Variants in SLAMF9 observed in about 807,000 individuals in gnomAD.
SLAMF9 encodes SLAM family member 9.
In SLAMF9, 25 loss-of-function variants were observed where a neutral mutation model predicts 30.4. The ratio of observed to expected loss-of-function variants is 0.82; its 90% CI spans 0.60 to 1.15. SLAMF9 has a LOEUF of 1.15. Among genes scored for constraint, SLAMF9 ranks in the 50% most tolerant of loss-of-function variants. The pLI, the probability that SLAMF9 is intolerant of heterozygous loss-of-function variation, is 0.00. For missense variants in SLAMF9, 344 were observed against 346.1 expected (o/e 0.99, Z 0.05); for synonymous variants, 129 against 127.2 (o/e 1.01, Z -0.09).
the SLAMF9 span, among the ~76,000 whole-genome samples, chr1:159,981,774 G>A: frequency 2.2e-4 from 33 of 152,260 alleles, no homozygotes; most frequent in African/African-American, 7.5e-4. Context: ...TGAGCACAGA[G>A]GGTGCCAGAA....
At chr1:159,954,479 C>G (rs1373342025), upstream of SLAMF9, among the ~76,000 whole-genome samples, 1 of 152,164 alleles carries the variant, frequency 6.6e-6, no homozygotes, top group Non-Finnish European at 1.5e-5. Context: ...ACTGCATGCC[C>G]CGAACTCGTA....
chr1:159,971,676 G>C, the SLAMF9 span, among the ~76,000 whole-genome samples: 1 of 152,152 alleles, frequency 6.6e-6, no homozygotes, highest in Non-Finnish European at 1.5e-5. Context: ...ACTTGGACTC[G>C]TTCTATCACC....
At chr1:159,973,216 T>C in the SLAMF9 span, 54 of 1,268,372 alleles carry the variant, frequency 4.3e-5, no homozygotes, top group African/African-American at 7.1e-4. Context: ...CATCTCAGGG[T>C]AACCAGGCTT....
At chr1:159,952,017 C>T in intron 3 of SLAMF9, 151 bp from the exon 4 acceptor site, 1 of 741,210 alleles carries the variant, frequency 1.3e-6, no homozygotes, top group Non-Finnish European at 2.2e-6. Flanking sequence ...ATTCTATGCA[C>T]AGAAGCTCAG....
chr1:159,974,283 C>A, the SLAMF9 span, among the ~76,000 whole-genome samples: 1 of 152,204 alleles, frequency 6.6e-6, no homozygotes, highest in Non-Finnish European at 1.5e-5. Context: ...TTCCTCTTCT[C>A]TTCCCATCTG....
the SLAMF9 span, among the ~76,000 whole-genome samples, chr1:159,966,198 A>G: frequency 2.0e-5 from 3 of 152,176 alleles, no homozygotes; most frequent in Non-Finnish European, 4.4e-5. Context: ...AAATAAGATC[A>G]TGCAGTATTT....
At chr1:159,978,119 C>T in the SLAMF9 span, among the ~76,000 whole-genome samples, 12 of 152,168 alleles carry the variant, frequency 7.9e-5, no homozygotes, top group African/African-American at 2.9e-4. Flanking sequence ...CATTTCTGCA[C>T]TGCATCCTGG....
chr1:159,974,669 G>A, the SLAMF9 span, among the ~76,000 whole-genome samples: 3 of 152,150 alleles, frequency 2.0e-5, no homozygotes, highest in South Asian at 4.1e-4. Context: ...CAAAGGCCCC[G>A]TCCTGTCTGT....
At chr1:159,952,006 T>C (rs554230808) in intron 3 of SLAMF9, 140 bp from the exon 4 acceptor site, 142 of 752,106 alleles carry the variant, frequency 1.9e-4, no homozygotes, top group Middle Eastern at 3.7e-4. Context: ...TCTGGAAATA[T>C]ATTCTATGCA....
At chr1:159,974,239 C>G in the SLAMF9 span, among the ~76,000 whole-genome samples, 2 of 152,162 alleles carry the variant, frequency 1.3e-5, no homozygotes, top group African/African-American at 4.8e-5. Context: ...ACCTGGACTT[C>G]CTTTTACTCC....
the SLAMF9 span, chr1:159,973,961 G>A: frequency 6.2e-7 from 1 of 1,611,260 alleles, no homozygotes; most frequent in Middle Eastern, 1.7e-4. Flanking sequence ...CATCTCTGTA[G>A]AACTTCACCT....
At chr1:159,972,053 G>A in the SLAMF9 span, among the ~76,000 whole-genome samples, 1 of 152,156 alleles carries the variant, frequency 6.6e-6, no homozygotes, top group Admixed American at 6.5e-5. Flanking sequence ...AGGAGACGTA[G>A]ACAACCCTGG....
At chr1:159,956,955 T>TA (rs1333794375), upstream of SLAMF9, among the ~76,000 whole-genome samples, 1 of 150,924 alleles carries the variant, frequency 6.6e-6, no homozygotes, top group African/African-American at 2.4e-5. Context: ...CCATCTCTAC[T>TA]AAAAAACACA....
chr1:159,958,723 C>T (rs1651981873), upstream of SLAMF9, among the ~76,000 whole-genome samples: 1 of 152,128 alleles, frequency 6.6e-6, no homozygotes, highest in Admixed American at 6.5e-5. Flanking sequence ...CCTCAGCTAC[C>T]CAAAGTGCTG....
chr1:159,968,966 C>T, the SLAMF9 span, among the ~76,000 whole-genome samples: 1 of 152,046 alleles, frequency 6.6e-6, no homozygotes, highest in Non-Finnish European at 1.5e-5. Context: ...CACTTGAACC[C>T]AGGTTGTAGA....
upstream of SLAMF9, among the ~76,000 whole-genome samples, chr1:159,956,621 T>C (rs1212635153): frequency 6.6e-6 from 1 of 151,982 alleles, no homozygotes; most frequent in African/African-American, 2.4e-5. Context: ...CTCCCCATCC[T>C]CCTGGAGTGA....
At chr1:159,962,700 C>T in the SLAMF9 span, among the ~76,000 whole-genome samples, 1 of 152,106 alleles carries the variant, frequency 6.6e-6, no homozygotes, top group African/African-American at 2.4e-5. Flanking sequence ...ACAGTGGCTT[C>T]GATTTTCTCT....
At chr1:159,973,491 G>C in the SLAMF9 span, among the ~76,000 whole-genome samples, 2 of 152,200 alleles carry the variant, frequency 1.3e-5, no homozygotes, top group African/African-American at 4.8e-5. Flanking sequence ...TTGGAAGTCA[G>C]AGGCAGAGGG....
the SLAMF9 span, among the ~76,000 whole-genome samples, chr1:159,971,982 C>T: frequency 6.6e-6 from 1 of 152,140 alleles, no homozygotes; most frequent in South Asian, 2.1e-4. Context: ...CCACAGAGCT[C>T]CCTCTGCAGA....
Sources: gnomAD v4.1 joint callset for allele counts (sites outside exome capture counted in the v4.1 genomes callset) on GRCh38, gnomAD v4.1.1 for gene constraint, MANE v1.5 for transcripts, NCBI Gene and HGNC (gene_info 2026-07-23, HGNC 2026-07-21) for gene names.